The following CNTNAP5 variants were observed in gnomAD, a reference collection of about 807,000 sequenced individuals.
The protein encoded by CNTNAP5 is contactin associated protein family member 5.
Under a neutral mutation model 150.2 loss-of-function variants are expected in CNTNAP5, and 72 were observed. The ratio of observed to expected loss-of-function variants is 0.48; its 90% CI spans 0.40 to 0.58. CNTNAP5 has a LOEUF of 0.58. Ranked by LOEUF, CNTNAP5 falls within the 20% of genes least tolerant of loss-of-function variation. The probability of loss-of-function intolerance (pLI) is 0.00; values close to 1 mark genes in which losing one functional copy is unlikely to be tolerated. For missense variants in CNTNAP5, 1,636 were observed against 1,626.2 expected, an observed-to-expected ratio of 1.01 and a Z score of -0.10; for synonymous variants, 672 against 619.8, an observed-to-expected ratio of 1.08 and a Z score of -1.25.
At chr2:124,423,288 C>T (rs1049271667) in intron 4 of CNTNAP5, among the ~76,000 whole-genome samples, 19 of 152,186 alleles carry the variant, frequency 1.2e-4, no homozygotes, top group African/African-American at 4.3e-4. Context: ...TCGTTACCTT[C>T]GTCAGATATT....
chr2:124,267,132 T>G (rs1003329071), intron 3 of CNTNAP5, among the ~76,000 whole-genome samples: 5 of 152,138 alleles, frequency 3.3e-5, no homozygotes, highest in African/African-American at 4.8e-5. Flanking sequence ...GAATGGAATA[T>G]GCAGGCTGCA....
chr2:124,419,140 C>CAAAAAAAAAGAAAAAAA (rs1553466523), intron 4 of CNTNAP5, among the ~76,000 whole-genome samples: 1 of 28,908 alleles, frequency 3.5e-5, no homozygotes, highest in Admixed American at 5.8e-4. Context: ...GACTCCTTCT[C>CAAAAAAAAAGAAAAAAA]AAAAAAAAAA....
intron 3 of CNTNAP5, among the ~76,000 whole-genome samples, chr2:124,397,610 T>A (rs1358405271): frequency 6.6e-6 from 1 of 152,134 alleles, no homozygotes; most frequent in Admixed American, 6.5e-5. Flanking sequence ...ACTACAATGA[T>A]GTTATGTTAC....
At chr2:124,264,399 C>T (rs866531880) in intron 3 of CNTNAP5, among the ~76,000 whole-genome samples, 1,396 of 100,122 alleles carry the variant, frequency 0.014, 16 homozygotes, top group African/African-American at 0.025. Flanking sequence ...TACACACACA[C>T]ACACACACAC....
chr2:124,553,781 A>G (rs1695686968), intron 10 of CNTNAP5, among the ~76,000 whole-genome samples: 2 of 152,214 alleles, frequency 1.3e-5, no homozygotes, highest in Admixed American at 1.3e-4. Flanking sequence ...ACAAAGAGAC[A>G]GACAGAGGAA....
At chr2:124,796,428 T>G (rs893443982) in intron 18 of CNTNAP5, among the ~76,000 whole-genome samples, 1 of 152,196 alleles carries the variant, frequency 6.6e-6, no homozygotes, top group Admixed American at 6.5e-5. Context: ...AGGAAAATTC[T>G]TGAATCAAGC....
At chr2:124,181,361 A>T (rs1685203509) in intron 1 of CNTNAP5, among the ~76,000 whole-genome samples, 1 of 152,118 alleles carries the variant, frequency 6.6e-6, no homozygotes, top group Admixed American at 6.6e-5. Flanking sequence ...TTTTGTATAT[A>T]ATCAAGCTGT....
At chr2:124,667,874 A>C (rs17392884) in intron 13 of CNTNAP5, among the ~76,000 whole-genome samples, 3,237 of 152,202 alleles carry the variant, frequency 0.021, 44 homozygotes, top group Middle Eastern at 0.038. Context: ...GGAAGCTAAG[A>C]GTGGCATCCT....
At chr2:124,854,850 A>G (rs1677318791) in intron 19 of CNTNAP5, among the ~76,000 whole-genome samples, 1 of 152,180 alleles carries the variant, frequency 6.6e-6, no homozygotes, top group Non-Finnish European at 1.5e-5. Context: ...GTGAAAAGAA[A>G]GATGTTATTA....
intron 13 of CNTNAP5, among the ~76,000 whole-genome samples, chr2:124,656,070 A>G (rs1343428503): frequency 1.3e-5 from 2 of 151,978 alleles, no homozygotes; most frequent in Admixed American, 6.6e-5. Flanking sequence ...CAAAAAAAAA[A>G]AAAAAAGAAA....
chr2:124,362,036 A>G (rs1222275645), intron 3 of CNTNAP5, among the ~76,000 whole-genome samples: 3 of 152,316 alleles, frequency 2.0e-5, no homozygotes, highest in Middle Eastern at 3.4e-3. Flanking sequence ...AGCCGGTCCG[A>G]AAAGCGCAAT....
At chr2:124,112,729 C>A (rs1402821110) in intron 1 of CNTNAP5, among the ~76,000 whole-genome samples, 1 of 152,030 alleles carries the variant, frequency 6.6e-6, no homozygotes, top group Non-Finnish European at 1.5e-5. Flanking sequence ...CAAAAAAAAC[C>A]CCATTTGTAC....
At position 124,414,013 on chromosome 2, in the gene CNTNAP5, A is replaced by G. The variant is rs975566813; in HGVS notation, c.382-3430A>G. On this transcript the variant is annotated intron_variant, in intron 3 of 23. Transcript: ENST00000682447. ...AAGAGAGATTTGAGGCTATTTCTTT[A>G]GTTGTATGTCAAAGTGCCATATTTT... Among the ~76,000 whole-genome samples, 6 of 151,872 alleles carry G rather than the reference A, an allele frequency of 4.0e-5. No individual in the cohort carries two copies. The South Asian group carries it at 6.2e-4, about 16-fold the overall frequency.
intron 19 of CNTNAP5, among the ~76,000 whole-genome samples, chr2:124,864,852 A>G (rs111717939): frequency 0.017 from 2,576 of 152,256 alleles, 68 homozygotes; most frequent in African/African-American, 0.058. Context: ...CCACATTCCC[A>G]TCATGGGCAT....
chr2:124,161,544 G>A (rs1684678409), intron 1 of CNTNAP5, among the ~76,000 whole-genome samples: 1 of 152,148 alleles, frequency 6.6e-6, no homozygotes, highest in African/African-American at 2.4e-5. Flanking sequence ...TTTATTGATA[G>A]GAGGAGATGT....
intron 1 of CNTNAP5, among the ~76,000 whole-genome samples, chr2:124,066,850 T>C (rs376625744): frequency 6.4e-4 from 98 of 152,294 alleles, no homozygotes; most frequent in African/African-American, 2.2e-3. Context: ...AATATATCTA[T>C]ACATGTCAAC....
At chr2:124,281,584 G>T (rs1226939068) in intron 3 of CNTNAP5, among the ~76,000 whole-genome samples, 1 of 152,128 alleles carries the variant, frequency 6.6e-6, no homozygotes, top group African/African-American at 2.4e-5. Context: ...ATATTTAAAA[G>T]ATTACCATCT....
At chr2:124,243,372 CT>C (rs1227442252) in intron 3 of CNTNAP5, among the ~76,000 whole-genome samples, 1 of 152,094 alleles carries the variant, frequency 6.6e-6, no homozygotes, top group African/African-American at 2.4e-5. Context: ...CCCCATCTCC[CT>C]GATAAAAATG....
At chr2:124,263,497 TG>T (rs1428970106) in intron 3 of CNTNAP5, among the ~76,000 whole-genome samples, 1 of 152,200 alleles carries the variant, frequency 6.6e-6, no homozygotes, top group African/African-American at 2.4e-5. Context: ...TTGATGGGAT[TG>T]TTTTTTTTCT....
Sources: gnomAD v4.1 joint callset for allele counts (sites outside exome capture counted in the v4.1 genomes callset) on GRCh38, gnomAD v4.1.1 for gene constraint, MANE v1.5 for transcripts, NCBI Gene and HGNC (gene_info 2026-07-23, HGNC 2026-07-21) for gene names.